Variants in ZNF483 observed in about 807,000 individuals in gnomAD.
ZNF483 encodes the protein zinc finger protein HIT-10.
In ZNF483, 9 loss-of-function variants were observed where a neutral mutation model predicts 28.6. That is an observed-to-expected ratio of 0.32 (90% CI 0.19 to 0.55). The LOEUF (loss-of-function observed/expected upper bound fraction) is 0.55. Among genes scored for constraint, ZNF483 ranks in the 20% least tolerant of loss-of-function variants. The pLI is 0.93. For missense variants in ZNF483, 675 were observed against 871.7 expected, an observed-to-expected ratio of 0.77 and a Z score of 2.84; for synonymous variants, 322 against 306.2, an observed-to-expected ratio of 1.05 and a Z score of -0.54.
intron 5 of ZNF483, among the ~76,000 whole-genome samples, chr9:111,572,938 A>T (rs80137566): frequency 0.07 from 10,609 of 152,092 alleles, 561 homozygotes; most frequent in East Asian, 0.25. Flanking sequence ...TTTTACTGAG[A>T]GCAAAAAAGC....
chr9:111,537,649 C>T (rs541164702), intron 5 of ZNF483, among the ~76,000 whole-genome samples: 3 of 152,124 alleles, frequency 2.0e-5, no homozygotes, highest in African/African-American at 7.2e-5. Context: ...TATTTTGTGA[C>T]AGGGTCTTGC....
downstream of ZNF483, among the ~76,000 whole-genome samples, chr9:111,556,631 A>C (rs7027778): frequency 6.6e-6 from 1 of 152,030 alleles, no homozygotes; most frequent in Non-Finnish European, 1.5e-5. Context: ...TTTGTATCCA[A>C]TGCTGCGGGA....
intron 1 of ZNF483, among the ~76,000 whole-genome samples, 162 bp downstream of exon 1, chr9:111,525,424 C>T (rs1429043839): frequency 6.6e-6 from 1 of 152,192 alleles, no homozygotes; most frequent in African/African-American, 2.4e-5. Flanking sequence ...CGGGATGGGG[C>T]TGTTGGCTTC....
At position 111,542,901 on chromosome 9, in the gene ZNF483, A is replaced by G; in HGVS notation, c.1966A>G (p.Ile656Val). ...THSLLSRHQR[I>V]HTGVKPYKCK... ...TTCACTGCTAAGTCGTCATCAGAGAATTCATACTGGTGTAAAACCTTATAA... is the reference window on the plus strand; with the variant it reads ...TTCACTGCTAAGTCGTCATCAGAGAGTTCATACTGGTGTAAAACCTTATAA... Residue 656 changes from isoleucine (I) to valine (V), a missense_variant, in exon 6 of 6, where the codon ATT becomes GTT. Ile to Val is a conservative substitution (Grantham distance 29). Around this residue, in one of 6 missense-constraint regions of ZNF483, gnomAD observed 47 missense variants for 93.5 expected, o/e 0.50. Coordinates refer to ENST00000309235, the MANE Select transcript of ZNF483 (RefSeq NM_133464.5). This position sits in a 1 kb window ranked among gnomAD's most constrained non-coding sequence, Gnocchi z 6.2. 1.2e-6 allele frequency: 2 copies of G among 1,614,164 alleles called. No individual in the cohort carries two copies. The highest frequency in any genetic ancestry group is 1.7e-6 in the Non-Finnish European group (2 of 1,180,010).
Position 111,552,299 on chromosome 9 carries a change from A to G in ZNF483, c.*9129A>G, listed in dbSNP as rs1417630291. 6.6e-6 allele frequency among the ~76,000 whole-genome samples: 1 copy of G among 152,070 alleles called. No homozygotes were observed. The highest frequency in any genetic ancestry group is 1.5e-5 in the Non-Finnish European group (1 of 67,986). The stretch of plus-strand genomic sequence containing the variant: ...TAGATACATTGTCTTTTTTTTTCAG[A>G]AGTTTCATAAACTGTCAACATTCTA... On this transcript the variant is annotated 3_prime_UTR_variant, in exon 6 of 6. Transcript: ENST00000309235.
rs868414347 is a variant in ZNF483, at chr9:111,552,339, A to G, written c.*9169A>G. ...TCAACATTCTATAGCTTTTGTGCAT[A>G]TGTACTGAAGAATTATAACACATGT... On this transcript the variant is annotated 3_prime_UTR_variant, in exon 6 of 6. Coordinates refer to ENST00000309235, the MANE Select transcript of ZNF483 (RefSeq NM_133464.5). 6.6e-6 allele frequency among the ~76,000 whole-genome samples: 1 copy of G among 152,156 alleles called. No individual in the cohort carries two copies. Among genetic ancestry groups the G allele is most frequent in the South Asian group, 2.1e-4 (1 of 4,834 alleles).
In ZNF483 at chr9:111,527,479, C is replaced by G. The variant is rs1296560253; in HGVS notation, c.84C>G (p.Val28=). 17 of 1,614,124 alleles carry G rather than the reference C, an allele frequency of 1.1e-5. No homozygotes were observed. In the East Asian group the frequency reaches 3.6e-4, roughly 34 times the overall value. The change falls in exon 2 of 6, where the codon GTC becomes GTG. Residue 28 remains valine (V), a synonymous_variant. Transcript: ENST00000309235. The part of the protein sequence containing the change: ...QTLASTEQNE[V]PRVVTSGEQE... The stretch of plus-strand genomic sequence containing the variant: ...TGGCCTCGACTGAACAAAATGAGGT[C>G]CCAAGAGTGGTTACTTCTGGGGAAC...
At chr9:111,565,347 A>G (rs1828510443) in intron 5 of ZNF483, among the ~76,000 whole-genome samples, 1 of 152,184 alleles carries the variant, frequency 6.6e-6, no homozygotes, top group South Asian at 2.1e-4. Context: ...ACTGTGAGAA[A>G]ATAAGTTTGT....
Position 111,570,014 on chromosome 9 carries a change from G to A in ZNF483, c.722-6351G>A. The A allele has an allele frequency of 1.3e-6, 2 of 1,593,080 alleles. 1 individual carries two copies. Among genetic ancestry groups the A allele is most frequent in the Non-Finnish European group, 1.7e-6 (2 of 1,168,734 alleles). On this transcript the variant is annotated intron_variant, in intron 5 of 5. Coordinates refer to the ZNF483 transcript ENST00000358151. ...ATGCGGCAGAGATGGGGAAGAATTG[G>A]TAGAACAAAAGCCTTGAGAGGCAAA...
At chr9:111,541,578 T>G in intron 5 of ZNF483, 79 bp from the exon 6 acceptor site, 1 of 1,122,110 alleles carries the variant, frequency 8.9e-7, no homozygotes, top group South Asian at 1.7e-5. Context: ...TAGTTATTAA[T>G]GTGTTCCTAT....
rs1827924287 is a variant in ZNF483, at chr9:111,550,988, A to G, written c.*7818A>G. Reference sequence around the variant, plus strand: ...TGATCTTTGACTATTTATATTTAAGAGCAGGGCTCTAAAAAGCTGATTGGA... The same window carrying G: ...TGATCTTTGACTATTTATATTTAAGGGCAGGGCTCTAAAAAGCTGATTGGA... On this transcript the variant is annotated 3_prime_UTR_variant, in exon 6 of 6. Coordinates refer to ENST00000309235, the MANE Select transcript of ZNF483 (RefSeq NM_133464.5). Among the ~76,000 whole-genome samples, 1 of 152,182 alleles carries G rather than the reference A, an allele frequency of 6.6e-6. No individual in the cohort carries two copies. The highest frequency in any genetic ancestry group is 2.1e-4 in the South Asian group (1 of 4,834).
downstream of ZNF483, among the ~76,000 whole-genome samples, chr9:111,557,843 AGT>A (rs140986598): frequency 3.5e-3 from 538 of 152,320 alleles, 3 homozygotes; most frequent in African/African-American, 0.012. Flanking sequence ...TCTGTGGTGA[AGT>A]ATGTTAAAAC....
intron 5 of ZNF483, among the ~76,000 whole-genome samples, chr9:111,570,581 C>T (rs977414065): frequency 8.0e-5 from 12 of 150,930 alleles, no homozygotes; most frequent in Non-Finnish European, 1.5e-4. Flanking sequence ...CCAGCCTGGC[C>T]AACATAGTGA....
chr9:111,548,345 T>C lies in ZNF483; in HGVS notation c.*5175T>C, dbSNP rs916988364. On this transcript the variant is annotated 3_prime_UTR_variant, in exon 6 of 6. Transcript: ENST00000309235. Reference sequence around the variant, plus strand: ...TTCAGCAATGTGTTACAGTTGTCATTGTACAAGTCTTTTGCCTCCTTGGTC... The same window carrying C: ...TTCAGCAATGTGTTACAGTTGTCATCGTACAAGTCTTTTGCCTCCTTGGTC... Among the ~76,000 whole-genome samples, 1 of 152,250 alleles carries C rather than the reference T, an allele frequency of 6.6e-6. No individual in the cohort carries two copies. Among genetic ancestry groups the C allele is most frequent in the East Asian group, 1.9e-4 (1 of 5,206 alleles).
At chr9:111,560,868 G>A (rs558444572) in intron 5 of ZNF483, among the ~76,000 whole-genome samples, 101 of 147,506 alleles carry the variant, frequency 6.8e-4, no homozygotes, top group African/African-American at 1.0e-3. Flanking sequence ...GCTTGAAGCC[G>A]GGTGGCAGAG....
At chr9:111,557,856 T>A (rs1006205579), downstream of ZNF483, among the ~76,000 whole-genome samples, 5 of 152,178 alleles carry the variant, frequency 3.3e-5, no homozygotes, top group African/African-American at 1.2e-4. Context: ...ATGTTAAAAC[T>A]ATGGAAGTAG....
rs531084381 is a variant in ZNF483, at chr9:111,546,291, T to C, written c.*3121T>C. Among the ~76,000 whole-genome samples, 14 of 152,288 alleles carry C rather than the reference T, an allele frequency of 9.2e-5. No individual in the cohort carries two copies. In the South Asian group the frequency reaches 2.9e-3, roughly 32 times the overall value. On this transcript the variant is annotated 3_prime_UTR_variant, in exon 6 of 6. Transcript: ENST00000309235. ...CCTTTTTATTCTGGATATAAGTCCT[T>C]TATCCAATATGAACTTTCTAAATAC...
intron 5 of ZNF483, among the ~76,000 whole-genome samples, chr9:111,569,056 G>A (rs1828698103): frequency 6.6e-6 from 1 of 152,208 alleles, no homozygotes; most frequent in Non-Finnish European, 1.5e-5. Context: ...TCTGAATATG[G>A]AGCATGTTGA....
rs1827733146 is a variant in ZNF483 at position 111,543,765 on chromosome 9, C to CTTTTTTTTTCTTTTTTT, written c.*604_*605insCTTTTTTTTTTTTTTTT. 2.7e-6 allele frequency: 2 copies of CTTTTTTTTTCTTTTTTT among 733,520 alleles called. No individual in the cohort carries two copies. The highest frequency in any genetic ancestry group is 2.1e-5 in the African/African-American group (1 of 48,534). 45.4% of individuals were successfully genotyped at this position (733,520 alleles called of 1,614,324 possible). ...CTATTCAGGATGCTGGACTTCTTTT[C>CTTTTTTTTTCTTTTTTT]TTTTTTTTTTCTTTTTTTTTTTTCA... On this transcript the variant is annotated 3_prime_UTR_variant, in exon 6 of 6. Coordinates refer to ENST00000309235, the MANE Select transcript of ZNF483 (RefSeq NM_133464.5).
Sources: gnomAD v4.1 joint callset for allele counts (sites outside exome capture counted in the v4.1 genomes callset) on GRCh38, gnomAD v4.1.1 for gene constraint, gnomAD v4.1.1 regional missense constraint, Gnocchi (gnomAD v3.1) non-coding constraint, MANE v1.5 for transcripts, NCBI Gene and HGNC (gene_info 2026-07-23, HGNC 2026-07-21) for gene names.